The following ZMYM2 variants were observed in gnomAD, a reference collection of about 807,000 sequenced individuals.
The protein encoded by ZMYM2 is zinc finger MYM-type protein 2.
ZMYM2 carries 56 observed loss-of-function variants against 162.8 expected under a neutral mutation model. That is an observed-to-expected ratio of 0.34 (90% confidence interval 0.28 to 0.43). The LOEUF (loss-of-function observed/expected upper bound fraction) is 0.43, where lower values mean the gene tolerates loss of function less well. Ranked by LOEUF, ZMYM2 falls within the 20% of genes least tolerant of loss-of-function variation. The probability of loss-of-function intolerance (pLI) is 1.00; values close to 1 mark genes in which losing one functional copy is unlikely to be tolerated. For synonymous variants in ZMYM2, 510 were observed against 541.6 expected, an observed-to-expected ratio of 0.94 and a Z score of 0.81; for missense variants, 1,275 against 1,621.8, an observed-to-expected ratio of 0.79 and a Z score of 3.67.
chr13:19,916,192 G>A, the ZMYM2 span, among the ~76,000 whole-genome samples: 11 of 152,066 alleles, frequency 7.2e-5, no homozygotes, highest in African/African-American at 1.4e-4. Context: ...TTAGAATGGC[G>A]ATCATTAAAA....
the ZMYM2 span, among the ~76,000 whole-genome samples, chr13:19,944,853 T>C: frequency 8.5e-5 from 13 of 152,082 alleles, no homozygotes; most frequent in Non-Finnish European, 1.6e-4. Flanking sequence ...GTACTTTTAG[T>C]AGAGATGGGG....
At chr13:19,917,495 C>G in the ZMYM2 span, among the ~76,000 whole-genome samples, 2 of 150,212 alleles carry the variant, frequency 1.3e-5, no homozygotes, top group Non-Finnish European at 3.0e-5. Context: ...GAGGCTGAGG[C>G]AGGAGAATTG....
chr13:20,033,748 C>G (rs1162601009), intron 10 of ZMYM2, among the ~76,000 whole-genome samples: 1 of 152,152 alleles, frequency 6.6e-6, no homozygotes, highest in Non-Finnish European at 1.5e-5. Flanking sequence ...TCAAGGGAAA[C>G]AACTCAGTCT....
At chr13:19,971,880 A>G (rs1024742834) in intron 2 of ZMYM2, among the ~76,000 whole-genome samples, 1 of 152,104 alleles carries the variant, frequency 6.6e-6, no homozygotes, top group African/African-American at 2.4e-5. Context: ...TAAAAAAAAA[A>G]CTAGATGTAG....
At chr13:19,978,420 T>G (rs1168596729) in intron 2 of ZMYM2, among the ~76,000 whole-genome samples, 1 of 152,000 alleles carries the variant, frequency 6.6e-6, no homozygotes, top group Non-Finnish European at 1.5e-5. Context: ...TACTGTTTTT[T>G]GGGTTTTTTT....
At chr13:19,940,491 G>A in the ZMYM2 span, among the ~76,000 whole-genome samples, 1,501 of 152,178 alleles carry the variant, frequency 9.9e-3, 37 homozygotes, top group African/African-American at 0.034. Flanking sequence ...CTTCTTTTCC[G>A]TTCTCTACTT....
intron 12 of ZMYM2, among the ~76,000 whole-genome samples, chr13:20,039,177 CCTATGGAGTTTT>C (rs1202604859): frequency 6.6e-6 from 1 of 152,062 alleles, no homozygotes; most frequent in African/African-American, 2.4e-5. Context: ...TTGGGCTGAG[CCTATGGAGTTTT>C]CTAGATATAG....
the ZMYM2 span, among the ~76,000 whole-genome samples, chr13:19,927,250 A>C: frequency 5.9e-5 from 9 of 152,182 alleles, no homozygotes; most frequent in Middle Eastern, 3.2e-3. Context: ...GATCTAGACC[A>C]TTGCCGATAA....
intron 7 of ZMYM2, among the ~76,000 whole-genome samples, chr13:20,021,382 T>G (rs1458005083): frequency 6.6e-6 from 1 of 151,352 alleles, no homozygotes; most frequent in Non-Finnish European, 1.5e-5. Context: ...TTTTTTTTTT[T>G]TGACAAAATG....
At chr13:20,051,669 A>C in intron 13 of ZMYM2, 71 bp downstream of exon 13, 2 of 1,422,672 alleles carry the variant, frequency 1.4e-6, no homozygotes, top group Non-Finnish European at 1.9e-6. Context: ...AATCCAAAGC[A>C]CTGATAATGA....
Position 20,026,845 on chromosome 13 carries a change from CTTGTTT to C in ZMYM2, c.1735+86_1735+91del, listed in dbSNP as rs1952628750. ...TAAATACTCATTTGATGTTTTTATG[CTTGTTT>C]TTAACAGCTTTTTATTTTATATTAA... On this transcript the variant is annotated intron_variant, in intron 8 of 24. Transcript: ENST00000610343. 4.3e-6 allele frequency: 6 copies of C among 1,384,994 alleles called. No homozygotes were observed. The African/African-American group carries it at 6.0e-5, about 14-fold the overall frequency. 85.8% of individuals were successfully genotyped at this position (1,384,994 alleles called of 1,614,324 possible).
At chr13:20,046,678 T>C (rs1311287278) in intron 12 of ZMYM2, among the ~76,000 whole-genome samples, 4 of 150,758 alleles carry the variant, frequency 2.7e-5, no homozygotes, top group East Asian at 3.9e-4. Context: ...TATGTGTGTA[T>C]ATATGTATAT....
chr13:20,059,154 T>A (rs949177319), intron 15 of ZMYM2, among the ~76,000 whole-genome samples: 2 of 152,024 alleles, frequency 1.3e-5, no homozygotes, highest in African/African-American at 2.4e-5. Context: ...TTGGGGAGGT[T>A]GTTGAGGAGA....
In ZMYM2 at chr13:20,051,478, C is replaced by A. The variant is rs757669327; in HGVS notation, c.2338C>A (p.Arg780=). 6.2e-7 allele frequency: 1 copy of A among 1,613,248 alleles called. No homozygotes were observed. The highest frequency in any genetic ancestry group is 8.5e-7 in the Non-Finnish European group (1 of 1,179,520). The part of the protein sequence containing the change: ...CCKSQGTLKE[R]VQWRGEMKHF... ...TAAATCTCAAGGAACTCTTAAAGAGCGAGTTCAGTGGCGTGGGGAAATGAA... is the reference window on the plus strand; with the variant it reads ...TAAATCTCAAGGAACTCTTAAAGAGAGAGTTCAGTGGCGTGGGGAAATGAA... The change falls in exon 13 of 25, where the codon CGA becomes AGA. Residue 780 remains arginine, a synonymous_variant. Transcript: ENST00000610343.
chr13:19,964,438 G>A (rs9508983), intron 2 of ZMYM2, among the ~76,000 whole-genome samples: 4,037 of 152,096 alleles, frequency 0.027, 119 homozygotes, highest in East Asian at 0.13. Flanking sequence ...TTAATAGGTC[G>A]GTTTTTTGTA....
rs1459852703 is a variant in ZMYM2 at position 20,086,925 on chromosome 13, G to T, written c.*911G>T. On this transcript the variant is annotated 3_prime_UTR_variant, in exon 25 of 25. Coordinates refer to ENST00000610343, the MANE Select transcript of ZMYM2 (RefSeq NM_197968.4). The stretch of plus-strand genomic sequence containing the variant: ...TCTGAAATCCTCTTCATTTATAGAG[G>T]TTTGATTTTTATTTCTTTTTTTCCC... 5.6e-6 allele frequency: 1 copy of T among 179,224 alleles called. No homozygotes were observed. The highest frequency in any genetic ancestry group is 2.4e-5 in the African/African-American group (1 of 42,274). 11.1% of individuals were successfully genotyped at this position (179,224 alleles called of 1,614,324 possible).
chr13:20,083,795 T>G lies in ZMYM2; in HGVS notation c.3941+19T>G. 6.3e-7 allele frequency: 1 copy of G among 1,592,456 alleles called. No homozygotes were observed. The stretch of plus-strand genomic sequence containing the variant: ...CTAAAAGGTGAGTGTTAATGATACT[T>G]AACTTTTAAAAATGTTGGTAGAAGT... On this transcript the variant is annotated intron_variant, in intron 24 of 24. Coordinates refer to ENST00000610343, the MANE Select transcript of ZMYM2 (RefSeq NM_197968.4).
At chr13:19,886,957 C>T in the ZMYM2 span, among the ~76,000 whole-genome samples, 3 of 151,712 alleles carry the variant, frequency 2.0e-5, no homozygotes, top group African/African-American at 7.3e-5. Flanking sequence ...CCACCATGCC[C>T]GGCCAAAATT....
intron 12 of ZMYM2, among the ~76,000 whole-genome samples, chr13:20,047,207 C>T (rs1954905999): frequency 6.6e-6 from 1 of 152,144 alleles, no homozygotes; most frequent in African/African-American, 2.4e-5. Flanking sequence ...TGCCTGCAGC[C>T]ATTATTGTAA....
Sources: allele counts gnomAD v4.1 joint callset (sites outside exome capture counted in the v4.1 genomes callset), GRCh38; gene constraint gnomAD v4.1.1; transcripts MANE v1.5; gene names NCBI Gene and HGNC (gene_info 2026-07-23, HGNC 2026-07-21).